FOXN3: variants seen among roughly 807,000 people sequenced by gnomAD.
The protein encoded by FOXN3 is forkhead box protein N3.
Under a neutral mutation model 38.4 loss-of-function variants are expected in FOXN3, and 7 were observed. The observed-to-expected ratio is 0.18, with a 90% CI of 0.10 to 0.34. The LOEUF is 0.34. FOXN3 is among the 10% of genes least tolerant of loss of function. The pLI is 1.00. For synonymous variants in FOXN3, 230 were observed against 242.2 expected (o/e 0.95, Z 0.47); for missense variants, 456 against 613.4 (o/e 0.74, Z 2.71).
chr14:89,446,087 CAA>C (rs576883864), intron 1 of FOXN3, among the ~76,000 whole-genome samples: 425 of 40,092 alleles, frequency 0.011, 7 homozygotes, highest in Non-Finnish European at 0.015. Flanking sequence ...GACCCTGCCT[CAA>C]AAAAAAAAAA....
chr14:89,316,895 C>T (rs1210721116), intron 3 of FOXN3, among the ~76,000 whole-genome samples: 1 of 150,462 alleles, frequency 6.6e-6, no homozygotes, highest in Non-Finnish European at 1.5e-5. Flanking sequence ...GAACTCCTGA[C>T]CTCAGGTGAT....
At chr14:89,343,722 TC>T (rs34257936) in intron 3 of FOXN3, among the ~76,000 whole-genome samples, 28,129 of 124,310 alleles carry the variant, frequency 0.23, 2,989 homozygotes, top group South Asian at 0.41. Flanking sequence ...TGGAATTTAT[TC>T]CAAAAAAAAA....
At chr14:89,511,146 TTTCTTTCTTTC>T (rs1327695847) in intron 1 of FOXN3, among the ~76,000 whole-genome samples, 1 of 43,634 alleles carries the variant, frequency 2.3e-5, no homozygotes, top group Non-Finnish European at 5.0e-5. Flanking sequence ...CTTTCTTTTC[TTTCTTTCTTTC>T]TTTCTTTCTT....
intron 5 of FOXN3, among the ~76,000 whole-genome samples, chr14:89,167,934 C>T (rs770032599): frequency 1.3e-5 from 2 of 152,174 alleles, no homozygotes; most frequent in Non-Finnish European, 2.9e-5. Context: ...TTCCTGCTTA[C>T]TGTGTACCCT....
At chr14:89,337,449 G>A (rs1486906630) in intron 3 of FOXN3, among the ~76,000 whole-genome samples, 1 of 152,120 alleles carries the variant, frequency 6.6e-6, no homozygotes, top group Admixed American at 6.5e-5. Context: ...CTGGCCTGGG[G>A]TGAAAACTTT....
intron 3 of FOXN3, among the ~76,000 whole-genome samples, chr14:89,320,497 C>A (rs1476070599): frequency 6.6e-6 from 1 of 152,174 alleles, no homozygotes. Flanking sequence ...GCTAAATAAA[C>A]CTGATATCCT....
At chr14:89,173,393 A>C (rs1887440610) in intron 5 of FOXN3, among the ~76,000 whole-genome samples, 1 of 152,234 alleles carries the variant, frequency 6.6e-6, no homozygotes, top group African/African-American at 2.4e-5. Context: ...TTTACAAAAC[A>C]ATGTGGCATT....
At chr14:89,612,537 T>A (rs1596333116) in intron 1 of FOXN3, among the ~76,000 whole-genome samples, 1 of 152,180 alleles carries the variant, frequency 6.6e-6, no homozygotes, top group African/African-American at 2.4e-5. Flanking sequence ...GGCTCACACC[T>A]GTAATCCCAG....
At chr14:89,234,868 C>A (rs1884934583) in intron 4 of FOXN3, among the ~76,000 whole-genome samples, 1 of 152,168 alleles carries the variant, frequency 6.6e-6, no homozygotes, top group African/African-American at 2.4e-5. Context: ...GCCCTCGTTG[C>A]CAGCAGGGCT....
intron 4 of FOXN3, among the ~76,000 whole-genome samples, chr14:89,217,283 G>C (rs908515082): frequency 3.3e-5 from 5 of 152,114 alleles, no homozygotes; most frequent in Non-Finnish European, 5.9e-5. Context: ...GGGACTACAG[G>C]CACCTGCCAC....
intron 1 of FOXN3, among the ~76,000 whole-genome samples, chr14:89,495,627 G>A (rs1275017820): frequency 3.3e-5 from 5 of 152,170 alleles, no homozygotes; most frequent in African/African-American, 1.2e-4. Context: ...CCACAGCAAT[G>A]AAAACTGCAG....
At chr14:89,511,219 C>CTTTCTTTTCTTTCT (rs762426047) in intron 1 of FOXN3, among the ~76,000 whole-genome samples, 1 of 14,544 alleles carries the variant, frequency 6.9e-5, no homozygotes, top group African/African-American at 1.3e-4. Flanking sequence ...TTCTTTCTTT[C>CTTTCTTTTCTTTCT]TTTCTTTCTT....
intron 1 of FOXN3, among the ~76,000 whole-genome samples, chr14:89,496,723 T>G (rs1893690510): frequency 6.6e-6 from 1 of 152,188 alleles, no homozygotes; most frequent in Non-Finnish European, 1.5e-5. Flanking sequence ...CATAATGACA[T>G]GCAACCATCA....
At chr14:89,539,588 G>A (rs369146510) in intron 1 of FOXN3, among the ~76,000 whole-genome samples, 5 of 152,196 alleles carry the variant, frequency 3.3e-5, no homozygotes, top group African/African-American at 1.2e-4. Context: ...CACTTACATT[G>A]TGTGACTTGA....
At chr14:89,601,605 C>A (rs1896155303) in intron 1 of FOXN3, among the ~76,000 whole-genome samples, 1 of 152,160 alleles carries the variant, frequency 6.6e-6, no homozygotes, top group Admixed American at 6.5e-5. Flanking sequence ...AACCTAGGGT[C>A]TGTTTCAGCT....
At chr14:89,554,377 T>G (rs1895069831) in intron 1 of FOXN3, among the ~76,000 whole-genome samples, 1 of 151,992 alleles carries the variant, frequency 6.6e-6, no homozygotes, top group Non-Finnish European at 1.5e-5. Context: ...GCTCAAGCAA[T>G]CCTCCGCCTA....
chr14:89,290,407 C>A, intron 3 of FOXN3: 4 of 368,036 alleles, frequency 1.1e-5, no homozygotes, highest in South Asian at 7.1e-5. Context: ...CTCCCCATTA[C>A]CTGGATTTGA....
chr14:89,265,569 G>C (rs138389721), intron 4 of FOXN3, among the ~76,000 whole-genome samples: 1 of 152,122 alleles, frequency 6.6e-6, no homozygotes, highest in Non-Finnish European at 1.5e-5. Context: ...TGAATGAACT[G>C]GGGGGATGGA....
intron 1 of FOXN3, among the ~76,000 whole-genome samples, chr14:89,440,213 G>C (rs1425119920): frequency 6.6e-6 from 1 of 152,108 alleles, no homozygotes; most frequent in Non-Finnish European, 1.5e-5. Flanking sequence ...CCCCTACTAA[G>C]GCAAGAAAAG....
Sources: allele counts gnomAD v4.1 joint callset (sites outside exome capture counted in the v4.1 genomes callset), GRCh38; gene constraint gnomAD v4.1.1; transcripts MANE v1.5; gene names NCBI Gene and HGNC (gene_info 2026-07-23, HGNC 2026-07-21).